The following FYCO1 variants were observed in gnomAD, a reference collection of about 807,000 sequenced individuals.
The protein encoded by FYCO1 is FYVE and coiled-coil domain autophagy adaptor 1, also known as FYVE and coiled-coil domain-containing protein 1.
FYCO1 carries 122 observed loss-of-function variants against 165.1 expected under a neutral mutation model. The ratio of observed to expected loss-of-function variants is 0.74; its 90% CI spans 0.64 to 0.86. The LOEUF (loss-of-function observed/expected upper bound fraction) is 0.86. Ranked by LOEUF, FYCO1 falls within the 40% of genes least tolerant of loss-of-function variation. The pLI, the probability that FYCO1 is intolerant of heterozygous loss-of-function variation, is 0.00. For missense variants in FYCO1, 1,702 were observed against 1,810.3 expected, an observed-to-expected ratio of 0.94 and a Z score of 1.09; for synonymous variants, 648 against 742.5, an observed-to-expected ratio of 0.87 and a Z score of 2.07.
intron 14 of FYCO1, among the ~76,000 whole-genome samples, chr3:45,949,446 C>T (rs1704854000): frequency 6.6e-6 from 1 of 152,182 alleles, no homozygotes; most frequent in Non-Finnish European, 1.5e-5. Flanking sequence ...GAGACAGGGC[C>T]CTGCAGCATT....
chr3:45,943,933 A>G (rs1704407441), intron 14 of FYCO1, among the ~76,000 whole-genome samples: 2 of 152,202 alleles, frequency 1.3e-5, no homozygotes, highest in Non-Finnish European at 2.9e-5. Flanking sequence ...TCTTTTTTCA[A>G]TATAAATCAA....
chr3:45,983,359 G>A lies in FYCO1; in HGVS notation c.55+1497C>T, dbSNP rs143685443. On this transcript the variant is annotated intron_variant, in intron 2 of 17. Transcript: ENST00000296137. ...ACACTCCACTCTCATGGTAGATGCT[G>A]TAGATTTGTATGCTTATTAAGACGT... Among the ~76,000 whole-genome samples, 4 of 152,346 alleles carry A rather than the reference G, an allele frequency of 2.6e-5. No individual in the cohort carries two copies. The East Asian group carries it at 7.7e-4, about 29-fold the overall frequency.
At position 45,946,801 on chromosome 3, in the gene FYCO1, G is replaced by A. The variant is rs151224196; in HGVS notation, c.3944+8448C>T. Reference sequence around the variant, plus strand: ...CAGGTCATGTGCAAGAGCCTACTGGGCATCTACACTATTAACTTCTACACG... The same window carrying A: ...CAGGTCATGTGCAAGAGCCTACTGGACATCTACACTATTAACTTCTACACG... On this transcript the variant is annotated intron_variant, in intron 14 of 17. Coordinates refer to ENST00000296137, the MANE Select transcript of FYCO1 (RefSeq NM_024513.4). 1.9e-4 allele frequency: 308 copies of A among 1,612,938 alleles called. No homozygotes were observed. The highest frequency in any genetic ancestry group is 3.3e-4 in the Middle Eastern group (2 of 6,058).
At chr3:45,990,541 T>G (rs987218735) in intron 1 of FYCO1, among the ~76,000 whole-genome samples, 5 of 152,228 alleles carry the variant, frequency 3.3e-5, no homozygotes, top group African/African-American at 1.2e-4. Context: ...GTCACAATGG[T>G]AATTTTTTGT....
intron 14 of FYCO1, chr3:45,947,852 A>G (rs1704734605): frequency 7.4e-6 from 2 of 270,612 alleles, no homozygotes. Context: ...AGCACGGCCA[A>G]CAAAGCTGTT....
At chr3:45,932,319 C>T (rs1222408405) in intron 15 of FYCO1, among the ~76,000 whole-genome samples, 1 of 152,346 alleles carries the variant, frequency 6.6e-6, no homozygotes, top group Middle Eastern at 3.4e-3. Context: ...CTTTGAACCT[C>T]GGTTTCTCAA....
At chr3:45,955,444 C>T (rs778424515) in intron 13 of FYCO1, 51 bp from the exon 14 acceptor site, 2 of 1,609,138 alleles carry the variant, frequency 1.2e-6, no homozygotes, top group Non-Finnish European at 1.7e-6. Context: ...CACTGTTATG[C>T]ATAGGCTGGG....
At chr3:45,926,767 C>T (rs1175777640) in intron 16 of FYCO1, among the ~76,000 whole-genome samples, 1 of 152,190 alleles carries the variant, frequency 6.6e-6, no homozygotes, top group Non-Finnish European at 1.5e-5. Context: ...GAGTTCAAAA[C>T]CAACCTGGCC....
rs568929536 is a variant in FYCO1, at chr3:45,958,733, GC to G, written c.3588-115del. 325 of 987,560 alleles carry G rather than the reference GC, an allele frequency of 3.3e-4. 1 individual carries two copies. The African/African-American group carries it at 4.6e-3, about 14-fold the overall frequency. 61.2% of individuals were successfully genotyped at this position (987,560 alleles called of 1,614,324 possible). A position where few individuals can be genotyped will look rare whatever the true frequency, so the allele number is the denominator to read the frequency against. On this transcript the variant is annotated intron_variant, in intron 12 of 17. Transcript: ENST00000296137. ...TGTGACTCTCATCAGACCTGGCTCT[GC>G]CCCCAAGTTAGGATGTGGCCATGAG... is the stretch of plus-strand genomic sequence containing the variant.
chr3:45,995,668 A>G (rs2125886927), intron 1 of FYCO1, 54 bp downstream of exon 1: 1 of 152,868 alleles, frequency 6.5e-6, no homozygotes, highest in African/African-American at 2.4e-5. Context: ...CGCCTCAGGG[A>G]TCGTGAGCGA....
At chr3:45,966,058 C>T (rs1445772775) in intron 8 of FYCO1, among the ~76,000 whole-genome samples, 2 of 152,318 alleles carry the variant, frequency 1.3e-5, no homozygotes, top group Admixed American at 1.3e-4. Context: ...AACTTCTGGG[C>T]TAAGGCATCA....
At position 45,981,684 on chromosome 3, in the gene FYCO1, AC is replaced by A. The variant is rs771108367; in HGVS notation, c.56-9del. On this transcript the variant is annotated splice_polypyrimidine_tract_variant and intron_variant, in intron 2 of 17. Coordinates refer to ENST00000296137, the MANE Select transcript of FYCO1 (RefSeq NM_024513.4). ...TTAGTTCTGTCACAGCATCTTTAAG[AC>A]AACAAATAGGAACATGTAACCAGAT... The A allele has an allele frequency of 1.9e-6, 3 of 1,584,236 alleles. No homozygotes were observed. In the South Asian group the frequency reaches 3.3e-5, roughly 17 times the overall value.
chr3:45,977,089 T>C (rs1253228438), intron 4 of FYCO1, among the ~76,000 whole-genome samples: 1 of 152,080 alleles, frequency 6.6e-6, no homozygotes, highest in Non-Finnish European at 1.5e-5. Flanking sequence ...AAGTGTTTAG[T>C]GGTGATAACC....
chr3:45,940,705 A>C (rs1704173691), intron 14 of FYCO1, among the ~76,000 whole-genome samples: 1 of 151,994 alleles, frequency 6.6e-6, no homozygotes, highest in Non-Finnish European at 1.5e-5. Flanking sequence ...CTGCTCTAAA[A>C]CTTTTTAATA....
chr3:45,955,735 CAG>C (rs1199468375), intron 13 of FYCO1, among the ~76,000 whole-genome samples: 3 of 152,210 alleles, frequency 2.0e-5, no homozygotes, highest in African/African-American at 7.2e-5. Context: ...AACCTAATAA[CAG>C]AAAACACACT....
In FYCO1 at chr3:45,967,470, C is replaced by T. The variant is rs201997226; in HGVS notation, c.1864G>A (p.Glu622Lys). 2.2e-5 allele frequency: 36 copies of T among 1,613,716 alleles called. 1 individual carries two copies. The East Asian group carries it at 7.8e-4, about 35-fold the overall frequency. The change falls in exon 8 of 18, where the codon GAG (glutamate) becomes AAG (lysine). Residue 622 changes from glutamate to lysine, a missense_variant. Physicochemically the swap from Glu to Lys is moderately conservative, Grantham distance 56. Coordinates refer to ENST00000296137, the MANE Select transcript of FYCO1 (RefSeq NM_024513.4). ...CCGACCACATTCTGTAGCTCCTTCT[C>T]CAGCTCCCTGTTGGCCTGCCGGAGC... Reference protein sequence around the residue: ...EELRQANRELEKELQNVVGRN... With the variant: ...EELRQANRELKKELQNVVGRN...
chr3:45,972,442 G>C (rs1456144094), intron 6 of FYCO1, among the ~76,000 whole-genome samples: 1 of 152,108 alleles, frequency 6.6e-6, no homozygotes, highest in Admixed American at 6.5e-5. Context: ...CTTATAAACA[G>C]AAAGCAAAAC....
intron 14 of FYCO1, among the ~76,000 whole-genome samples, chr3:45,944,823 A>G (rs911928832): frequency 1.3e-5 from 2 of 152,234 alleles, no homozygotes; most frequent in Admixed American, 1.3e-4. Context: ...GGAGCTGAAC[A>G]TTATTCTTAA....
rs552928719 is a variant in FYCO1 at position 45,967,135 on chromosome 3, G to A, written c.2199C>T (p.Leu733=). ...AEARHRELRA[L]ESQCQQQTQL... Reference sequence around the variant, plus strand: ...GGGTCTGCTGCTGGCACTGGCTCTCGAGAGCCCTAAGCTCTCTGTGCCGGG... The same window carrying A: ...GGGTCTGCTGCTGGCACTGGCTCTCAAGAGCCCTAAGCTCTCTGTGCCGGG... The change falls in exon 8 of 18, where the codon CTC becomes CTT. Residue 733 remains leucine, a synonymous_variant. Coordinates refer to ENST00000296137, the MANE Select transcript of FYCO1 (RefSeq NM_024513.4). The A allele has an allele frequency of 1.1e-5, 18 of 1,613,820 alleles. No individual in the cohort carries two copies. The highest frequency in any genetic ancestry group is 6.7e-5 in the African/African-American group (5 of 75,030).
Sources: allele counts gnomAD v4.1 joint callset (sites outside exome capture counted in the v4.1 genomes callset), GRCh38; gene constraint gnomAD v4.1.1; transcripts MANE v1.5; gene names NCBI Gene and HGNC (gene_info 2026-07-23, HGNC 2026-07-21).